Variants in GADL1 observed in about 807,000 individuals in gnomAD.
GADL1 encodes GAD like acidic amino acid decarboxylase 1, also known as acidic amino acid decarboxylase GADL1.
A neutral mutation model predicts 69.5 loss-of-function variants in GADL1; 71 were observed. That is an observed-to-expected ratio of 1.02 (90% CI 0.84 to 1.25). The LOEUF (loss-of-function observed/expected upper bound fraction) is 1.25, where lower values mean the gene tolerates loss of function less well. Among genes scored for constraint, GADL1 ranks in the 50% most tolerant of loss-of-function variants. GADL1 has a pLI of 0.00. For synonymous variants in GADL1, 254 were observed against 214.4 expected, an observed-to-expected ratio of 1.18 and a Z score of -1.62; for missense variants, 737 against 631.8, an observed-to-expected ratio of 1.17 and a Z score of -1.79.
intron 11 of GADL1, among the ~76,000 whole-genome samples, chr3:30,803,338 A>AT (rs1299308929): frequency 6.6e-6 from 1 of 152,180 alleles, no homozygotes; most frequent in East Asian, 1.9e-4. Flanking sequence ...ACCATATATT[A>AT]TAACACTAAA....
At position 30,856,587 on chromosome 3, in the gene GADL1, C is replaced by A. The variant is rs79541535; in HGVS notation, c.337+428G>T. ...GTTAATCAGTGTCTTCCAAATAAAT[C>A]ATTTCTGTTTATATTAAAGATACCT... is the stretch of plus-strand genomic sequence containing the variant. On this transcript the variant is annotated intron_variant, in intron 3 of 14. Coordinates refer to ENST00000282538, the MANE Select transcript of GADL1 (RefSeq NM_207359.3). Among the ~76,000 whole-genome samples the A allele has an allele frequency of 2.3e-3, 345 of 152,118 alleles. 6 individuals carry two copies. The East Asian group carries it at 0.052, about 23-fold the overall frequency.
intron 1 of GADL1, among the ~76,000 whole-genome samples, chr3:30,887,763 A>C (rs1265771209): frequency 6.6e-6 from 1 of 152,210 alleles, no homozygotes; most frequent in African/African-American, 2.4e-5. Context: ...AATTTTAAGA[A>C]TAGAAAAGAA....
At chr3:30,844,158 C>T (rs965986358) in intron 8 of GADL1, 52 bp downstream of exon 8, 15 of 1,416,146 alleles carry the variant, frequency 1.1e-5, no homozygotes, top group African/African-American at 7.1e-5. Flanking sequence ...AGCGCGCGGG[C>T]GTGCGCGCAC....
chr3:30,786,754 T>C (rs533646719), intron 12 of GADL1, among the ~76,000 whole-genome samples: 5 of 152,334 alleles, frequency 3.3e-5, no homozygotes, highest in African/African-American at 1.2e-4. Flanking sequence ...GTACTTACAT[T>C]AAATAGCTGG....
intron 1 of GADL1, 95 bp from the exon 2 acceptor site, chr3:30,861,860 T>G: frequency 1.4e-6 from 1 of 714,452 alleles, no homozygotes. Context: ...CAGCTTCAGA[T>G]GGCACATCTT....
At chr3:30,851,074 T>C (rs1356611652) in intron 4 of GADL1, 133 bp from the exon 5 acceptor site, 10 of 570,128 alleles carry the variant, frequency 1.8e-5, no homozygotes, top group South Asian at 2.6e-5. Flanking sequence ...AATTTATCCA[T>C]TGAAAATAGA....
At chr3:30,849,536 CTG>C (rs71914328) in intron 6 of GADL1, among the ~76,000 whole-genome samples, 9,125 of 148,634 alleles carry the variant, frequency 0.061, 728 homozygotes, top group African/African-American at 0.18. Flanking sequence ...GTGGCAATAT[CTG>C]TGTGTGTGTG....
At chr3:30,868,674 T>C (rs550599795) in intron 1 of GADL1, among the ~76,000 whole-genome samples, 9 of 152,082 alleles carry the variant, frequency 5.9e-5, no homozygotes, top group African/African-American at 2.2e-4. Context: ...ATATGAACTC[T>C]CTTTTGGCAC....
At chr3:30,883,890 T>C (rs991355583) in intron 1 of GADL1, among the ~76,000 whole-genome samples, 2 of 152,044 alleles carry the variant, frequency 1.3e-5, no homozygotes, top group African/African-American at 4.8e-5. Flanking sequence ...TTTTATGCTA[T>C]TGTAAATATT....
At chr3:30,749,546 C>T (rs145689886) in intron 14 of GADL1, among the ~76,000 whole-genome samples, 3 of 152,238 alleles carry the variant, frequency 2.0e-5, no homozygotes, top group Non-Finnish European at 4.4e-5. Context: ...GAAGCCAGCA[C>T]TTTAGACTAA....
chr3:30,789,532 G>A (rs1696869475), intron 12 of GADL1, among the ~76,000 whole-genome samples: 1 of 152,200 alleles, frequency 6.6e-6, no homozygotes, highest in African/African-American at 2.4e-5. Flanking sequence ...GATTCAGCCT[G>A]TCTTTGAAGC....
rs1286382668 is a variant in GADL1, at chr3:30,763,866, AAT to A, written c.1392+14311_1392+14312del. Among the ~76,000 whole-genome samples, 6 of 152,282 alleles carry A rather than the reference AAT, an allele frequency of 3.9e-5. No homozygotes were observed. The East Asian group carries it at 7.7e-4, about 20-fold the overall frequency. ...AATTCTAAATGTGAAGATATCAGAAAATATCACCTTAAAATGATATAATTTGG... is the reference window on the plus strand; with the variant it reads ...AATTCTAAATGTGAAGATATCAGAAAATCACCTTAAAATGATATAATTTGG... On this transcript the variant is annotated intron_variant, in intron 14 of 14. Coordinates refer to ENST00000282538, the MANE Select transcript of GADL1 (RefSeq NM_207359.3).
At chr3:30,838,970 C>G in intron 9 of GADL1, 27 bp downstream of exon 9, 2 of 1,334,386 alleles carry the variant, frequency 1.5e-6, no homozygotes, top group East Asian at 2.5e-5. Context: ...AAAGGTTAAA[C>G]AGGTATGTAC....
At chr3:30,796,929 GT>G (rs796971957) in intron 12 of GADL1, among the ~76,000 whole-genome samples, 1 of 152,250 alleles carries the variant, frequency 6.6e-6, no homozygotes, top group African/African-American at 2.4e-5. Flanking sequence ...AAAGCCATGT[GT>G]TTACCTGTCC....
rs1232124001 is a variant in GADL1 at position 30,833,832 on chromosome 3, G to A, written c.1050+21C>T. The A allele has an allele frequency of 3.2e-6, 5 of 1,580,142 alleles. No individual in the cohort carries two copies. The African/African-American group carries it at 5.4e-5, about 17-fold the overall frequency. ...GGCTTAACCCCCTTGAAGCCCAAAG[G>A]ACCACAAGAGGAAAACTTACAGATT... On this transcript the variant is annotated intron_variant, in intron 11 of 14. Transcript: ENST00000282538.
intron 14 of GADL1, among the ~76,000 whole-genome samples, chr3:30,730,858 T>G (rs1266328908): frequency 6.6e-6 from 1 of 151,574 alleles, no homozygotes; most frequent in Non-Finnish European, 1.5e-5. Flanking sequence ...CATAAGCATG[T>G]GTGTGTGTGT....
At chr3:30,807,686 A>G (rs1052820484) in intron 11 of GADL1, among the ~76,000 whole-genome samples, 1 of 152,172 alleles carries the variant, frequency 6.6e-6, no homozygotes, top group African/African-American at 2.4e-5. Context: ...AAAATGGTTA[A>G]CTCCTGTGTA....
At chr3:30,816,787 C>A (rs761250466) in intron 11 of GADL1, among the ~76,000 whole-genome samples, 10 of 151,990 alleles carry the variant, frequency 6.6e-5, no homozygotes, top group Non-Finnish European at 1.2e-4. Context: ...CTCAGGTAAT[C>A]CACCTGCCTC....
intron 14 of GADL1, among the ~76,000 whole-genome samples, chr3:30,769,347 A>G (rs1370102343): frequency 6.6e-6 from 1 of 152,158 alleles, no homozygotes; most frequent in East Asian, 1.9e-4. Context: ...CTGTTAGGAT[A>G]GGGGCAGAAG....
Sources: allele counts gnomAD v4.1 joint callset (sites outside exome capture counted in the v4.1 genomes callset), GRCh38; gene constraint gnomAD v4.1.1; transcripts MANE v1.5; gene names NCBI Gene and HGNC (gene_info 2026-07-23, HGNC 2026-07-21).